CD163L1: variants seen among roughly 807,000 people sequenced by gnomAD.
The protein encoded by CD163L1 is CD163 molecule like 1.
CD163L1 carries 124 observed loss-of-function variants against 165.4 expected under a neutral mutation model. The observed-to-expected ratio is 0.75, with a 90% CI of 0.65 to 0.87. The LOEUF (loss-of-function observed/expected upper bound fraction) is 0.87, where lower values mean the gene tolerates loss of function less well. CD163L1 is among the 40% of genes least tolerant of loss of function. The pLI, the probability that CD163L1 is intolerant of heterozygous loss-of-function variation, is 0.00. For missense variants in CD163L1, 1,525 were observed against 1,799.9 expected (o/e 0.85, Z 2.76); for synonymous variants, 585 against 662.2 (o/e 0.88, Z 1.79).
intron 8 of CD163L1, among the ~76,000 whole-genome samples, chr12:7,387,417 G>T (rs1373900506): frequency 6.6e-6 from 1 of 152,166 alleles, no homozygotes; most frequent in East Asian, 1.9e-4. Context: ...ACATGATATA[G>T]TTTGGATGTT....
downstream of CD163L1, among the ~76,000 whole-genome samples, chr12:7,353,327 G>A (rs756930148): frequency 6.6e-6 from 1 of 152,010 alleles, no homozygotes; most frequent in African/African-American, 2.4e-5. Flanking sequence ...TCAGCATGAG[G>A]CACAGAAGAA....
At chr12:7,376,075 A>G in intron 9 of CD163L1, 61 bp from the exon 10 acceptor site, 1 of 1,459,356 alleles carries the variant, frequency 6.9e-7, no homozygotes, top group Non-Finnish European at 9.2e-7. Context: ...CCCTGTCTCC[A>G]GTCTCCATAT....
At chr12:7,375,002 GA>G in intron 11 of CD163L1, 79 bp from the exon 12 acceptor site, 1 of 1,317,278 alleles carries the variant, frequency 7.6e-7, no homozygotes, top group Middle Eastern at 1.8e-4. Flanking sequence ...TAACAACATG[GA>G]ATCTGCAATT....
At chr12:7,322,588 G>A in the CD163L1 span, 1 of 1,554,518 alleles carries the variant, frequency 6.4e-7, no homozygotes, top group Admixed American at 2.0e-5. Flanking sequence ...GGGCCTTTCT[G>A]CCCCAGGTTT....
the CD163L1 span, chr12:7,324,273 G>C: frequency 6.2e-7 from 1 of 1,611,640 alleles, no homozygotes. Context: ...TGGTTCCCAG[G>C]ACAATCCACA....
the CD163L1 span, among the ~76,000 whole-genome samples, chr12:7,322,015 A>T: frequency 6.6e-6 from 1 of 152,174 alleles, no homozygotes; most frequent in Non-Finnish European, 1.5e-5. Flanking sequence ...CAATGTCCTC[A>T]TGTGTAAATA....
chr12:7,326,477 TG>T, the CD163L1 span, among the ~76,000 whole-genome samples: 5 of 152,180 alleles, frequency 3.3e-5, no homozygotes, highest in Non-Finnish European at 7.3e-5. Flanking sequence ...CCCAAAGTCT[TG>T]GGGTTATAGG....
intron 4 of CD163L1, among the ~76,000 whole-genome samples, chr12:7,425,121 G>C (rs1348706817): frequency 6.6e-6 from 1 of 152,120 alleles, no homozygotes; most frequent in African/African-American, 2.4e-5. Flanking sequence ...GCATGGTACT[G>C]GTGCCAAAAC....
chr12:7,432,572 A>G lies in CD163L1; in HGVS notation c.610T>C (p.Ser204Pro). The G allele has an allele frequency of 6.2e-7, 1 of 1,614,212 alleles. No individual in the cohort carries two copies. Among genetic ancestry groups the G allele is most frequent in the African/African-American group, 1.3e-5 (1 of 75,050 alleles). ...GCAGGGCTATTAACAACTCCAGAAG[A>G]AATAAAAGAAGATGGACATCCTAGT... is the stretch of plus-strand genomic sequence containing the variant. ...RQLGCPSSFI[S>P]SGVVNSPAVL... is the part of the protein sequence containing the mutation. The change falls in exon 4 of 20, where the codon TCT (serine) becomes CCT (proline). Residue 204 changes from serine to proline, a missense_variant. Coordinates refer to ENST00000313599, the MANE Select transcript of CD163L1 (RefSeq NM_174941.6). This position sits in a 1 kb window ranked among gnomAD's most constrained non-coding sequence, Gnocchi z 4.2.
At chr12:7,345,931 A>G (rs1591858842), downstream of CD163L1, among the ~76,000 whole-genome samples, 2 of 152,230 alleles carry the variant, frequency 1.3e-5, no homozygotes, top group East Asian at 1.9e-4. Context: ...AGAACCATAT[A>G]TTGGGAGAAC....
intron 8 of CD163L1, among the ~76,000 whole-genome samples, chr12:7,381,860 C>T (rs898415981): frequency 6.6e-6 from 1 of 151,682 alleles, no homozygotes; most frequent in African/African-American, 2.4e-5. Flanking sequence ...GCAACATATT[C>T]CACTCTGAGA....
At chr12:7,430,256 A>C (rs1176870394) in intron 4 of CD163L1, among the ~76,000 whole-genome samples, 5 of 152,140 alleles carry the variant, frequency 3.3e-5, no homozygotes, top group Non-Finnish European at 7.4e-5. Context: ...GACTTTACAG[A>C]AGGTTCTAAG....
intron 8 of CD163L1, among the ~76,000 whole-genome samples, chr12:7,392,722 A>G (rs1947683578): frequency 6.6e-6 from 1 of 152,228 alleles, no homozygotes; most frequent in South Asian, 2.1e-4. Flanking sequence ...GATGCAATAG[A>G]AAATGACAAA....
chr12:7,414,803 T>C (rs929911321), intron 4 of CD163L1, among the ~76,000 whole-genome samples: 2 of 151,990 alleles, frequency 1.3e-5, no homozygotes, highest in Non-Finnish European at 2.9e-5. Flanking sequence ...TGGGATGAAA[T>C]AGTGAATGTA....
At position 7,407,662 on chromosome 12, in the gene CD163L1, C is replaced by CAT. The variant is rs201729968; in HGVS notation, c.767-812_767-811dup. Among the ~76,000 whole-genome samples the CAT allele has an allele frequency of 1.9e-3, 287 of 150,928 alleles. 1 individual carries two copies. Among genetic ancestry groups the CAT allele is most frequent in the Middle Eastern group, 0.01 (3 of 290 alleles). Reference sequence around the variant, plus strand: ...TTGGATATATATATACACACACACACATATATATATACACACACATATATA... The same window carrying CAT: ...TTGGATATATATATACACACACACACATATATATATATACACACACATATATA... On this transcript the variant is annotated intron_variant, in intron 4 of 19. Transcript: ENST00000313599.
chr12:7,390,105 T>C (rs1449246914), intron 8 of CD163L1, among the ~76,000 whole-genome samples: 1 of 151,496 alleles, frequency 6.6e-6, no homozygotes, highest in African/African-American at 2.4e-5. Flanking sequence ...GAAAGACAAA[T>C]ATCACAAGTT....
chr12:7,327,220 G>A, the CD163L1 span: 4 of 1,199,550 alleles, frequency 3.3e-6, no homozygotes, highest in African/African-American at 4.7e-5. Flanking sequence ...TTTTCAATTT[G>A]TTTAACCCTA....
the CD163L1 span, among the ~76,000 whole-genome samples, chr12:7,338,678 T>G: frequency 6.6e-6 from 1 of 152,126 alleles, no homozygotes; most frequent in Admixed American, 6.6e-5. Context: ...TGTTTTAGGC[T>G]CAATAGACCT....
the CD163L1 span, among the ~76,000 whole-genome samples, chr12:7,332,926 C>T: frequency 5.9e-5 from 9 of 152,176 alleles, no homozygotes; most frequent in Admixed American, 5.2e-4. Flanking sequence ...CAAATTCACA[C>T]ATAACAATAC....
Sources: allele counts gnomAD v4.1 joint callset (sites outside exome capture counted in the v4.1 genomes callset), GRCh38; gene constraint gnomAD v4.1.1; non-coding constraint Gnocchi (gnomAD v3.1); transcripts MANE v1.5; gene names NCBI Gene and HGNC (gene_info 2026-07-23, HGNC 2026-07-21).